Variants in DPYSL3 observed in about 807,000 individuals in gnomAD.
The protein encoded by DPYSL3 is dihydropyrimidinase-related protein 3.
A neutral mutation model predicts 66.1 loss-of-function variants in DPYSL3; 16 were observed. That is an observed-to-expected ratio of 0.24 (90% CI 0.16 to 0.37). The LOEUF (loss-of-function observed/expected upper bound fraction) is 0.37. Ranked by LOEUF, DPYSL3 falls within the 10% of genes least tolerant of loss-of-function variation. DPYSL3 has a pLI of 1.00. For synonymous variants in DPYSL3, 338 were observed against 345.1 expected (o/e 0.98, Z 0.23); for missense variants, 738 against 916.2 (o/e 0.81, Z 2.51).
At chr5:147,429,833 C>A (rs184366914) in intron 1 of DPYSL3, among the ~76,000 whole-genome samples, 1 of 152,130 alleles carries the variant, frequency 6.6e-6, no homozygotes, top group South Asian at 2.1e-4. Context: ...GTCCAAACTG[C>A]GTCCAGTTCT....
At position 147,509,387 on chromosome 5, in the gene DPYSL3, G is replaced by C; in HGVS notation, c.381+91C>G. On this transcript the variant is annotated intron_variant, in intron 1 of 13. Coordinates refer to ENST00000343218, the MANE Select transcript of DPYSL3 (RefSeq NM_001197294.2). The surrounding 1 kb of genome is among the most constrained non-coding windows in gnomAD (Gnocchi z 5.3). The stretch of plus-strand genomic sequence containing the variant: ...TCCTTGTCCCCCAGCCCCGTGCAAA[G>C]TGAGCTGGAGAAAGTTGTGCCCGGG... 1 of 1,416,122 alleles carries C rather than the reference G, an allele frequency of 7.1e-7. No homozygotes were observed. The highest frequency in any genetic ancestry group is 1.5e-5 in the South Asian group (1 of 67,612). The allele number at this position is 1,416,122 out of a possible 1,614,324, so 87.7% of individuals were successfully genotyped here.
At chr5:147,433,191 G>T (rs1752345815) in intron 1 of DPYSL3, among the ~76,000 whole-genome samples, 2 of 152,144 alleles carry the variant, frequency 1.3e-5, no homozygotes, top group African/African-American at 4.8e-5. Flanking sequence ...TGTCCACATG[G>T]GCCTGTGAGA....
intron 1 of DPYSL3, among the ~76,000 whole-genome samples, chr5:147,505,527 C>A (rs1030290817): frequency 6.6e-6 from 1 of 152,200 alleles, no homozygotes; most frequent in Non-Finnish European, 1.5e-5. Context: ...TGAGCCACCA[C>A]TCCCAGCCTA....
intron 1 of DPYSL3, among the ~76,000 whole-genome samples, chr5:147,441,611 T>C (rs1752534332): frequency 6.6e-6 from 1 of 152,110 alleles, no homozygotes; most frequent in South Asian, 2.1e-4. Flanking sequence ...CACTATAACT[T>C]CTCATAACAA....
chr5:147,395,746 C>T (rs1561769398), intron 12 of DPYSL3, 25 bp from the exon 13 acceptor site: 1 of 1,612,048 alleles, frequency 6.2e-7, no homozygotes, highest in Non-Finnish European at 8.5e-7. Context: ...GAGCATGTCA[C>T]CATTCATTCA....
chr5:147,458,119 G>C (rs529835135), intron 1 of DPYSL3, among the ~76,000 whole-genome samples: 1 of 152,180 alleles, frequency 6.6e-6, no homozygotes, highest in African/African-American at 2.4e-5. Context: ...TAGGAGCTGT[G>C]TAAAATGAGG....
Position 147,401,606 on chromosome 5 carries a change from A to G in DPYSL3, c.1244T>C (p.Phe415Ser). Reference protein sequence around the residue: ...WSKNWAKAAAFVTSPPLSPDP... With the variant: ...WSKNWAKAAASVTSPPLSPDP... ...AGGGCTCAGGGGTGGGGATGTCACA[A>G]ATGCAGCCGCCTTGGCCCAGTTCTT... Residue 415 changes from phenylalanine to serine, a missense_variant, in exon 9 of 14, where the codon TTT becomes TCT. By Grantham distance (155) the Phe-to-Ser change is radical. Coordinates refer to ENST00000343218, the MANE Select transcript of DPYSL3 (RefSeq NM_001197294.2). 6.2e-7 allele frequency: 1 copy of G among 1,614,022 alleles called. No homozygotes were observed. Among genetic ancestry groups the G allele is most frequent in the Non-Finnish European group, 8.5e-7 (1 of 1,180,014 alleles).
intron 1 of DPYSL3, among the ~76,000 whole-genome samples, chr5:147,497,268 A>T (rs1275740465): frequency 7.0e-6 from 1 of 141,916 alleles, no homozygotes; most frequent in Non-Finnish European, 1.5e-5. Flanking sequence ...GGGGAGGGGG[A>T]AGGGGTAGCA....
At chr5:147,459,097 G>A (rs943573362) in intron 1 of DPYSL3, among the ~76,000 whole-genome samples, 3 of 151,838 alleles carry the variant, frequency 2.0e-5, no homozygotes, top group African/African-American at 7.3e-5. Context: ...ATGGGAAAAG[G>A]GGGAGATTGA....
intron 12 of DPYSL3, among the ~76,000 whole-genome samples, chr5:147,397,174 CTATATA>C (rs9325042): frequency 0.45 from 67,102 of 147,854 alleles, 15,840 homozygotes; most frequent in African/African-American, 0.57. Flanking sequence ...ATCTATAGAC[CTATATA>C]TATATATATA....
Position 147,408,733 on chromosome 5 carries a change from C to G in DPYSL3, c.1027G>C (p.Glu343Gln), listed in dbSNP as rs913119486. 5 of 1,614,100 alleles carry G rather than the reference C, an allele frequency of 3.1e-6. No individual in the cohort carries two copies. Among genetic ancestry groups the G allele is most frequent in the Non-Finnish European group, 4.2e-6 (5 of 1,180,036 alleles). Residue 343 changes from glutamate to glutamine, a missense_variant, in exon 7 of 14, where the codon GAA becomes CAA. Coordinates refer to ENST00000343218, the MANE Select transcript of DPYSL3 (RefSeq NM_001197294.2). ...GPEGHVLSRP[E>Q]ELEAEAVFRA... is the part of the protein sequence containing the mutation. ...CTTCATCCCCTGTAACTTACCTCTT[C>G]TGGCCTGCTCAGTACATGGCCTTCT... is the stretch of plus-strand genomic sequence containing the variant.
chr5:147,467,727 C>A (rs1753031035), intron 1 of DPYSL3, among the ~76,000 whole-genome samples: 1 of 152,162 alleles, frequency 6.6e-6, no homozygotes, highest in Admixed American at 6.6e-5. Context: ...TAGATTATAC[C>A]TTTCATGGGG....
chr5:147,478,692 T>C (rs191481357), intron 1 of DPYSL3, among the ~76,000 whole-genome samples: 157 of 152,346 alleles, frequency 1.0e-3, no homozygotes, highest in Middle Eastern at 0.01. Flanking sequence ...TCCACTACCA[T>C]ATCATACACA....
Position 147,399,072 on chromosome 5 carries a change from C to A in DPYSL3, c.1623+10G>T. On this transcript the variant is annotated intron_variant, in intron 11 of 13. Transcript: ENST00000343218. ...CCATTCTACTCCACTCCCACCAGAGCGGGCCTTACAGACTGGTGGTTCTTG... is the reference window on the plus strand; with the variant it reads ...CCATTCTACTCCACTCCCACCAGAGAGGGCCTTACAGACTGGTGGTTCTTG... 1 of 1,613,234 alleles carries A rather than the reference C, an allele frequency of 6.2e-7. No homozygotes were observed. Among genetic ancestry groups the A allele is most frequent in the Non-Finnish European group, 8.5e-7 (1 of 1,179,656 alleles).
rs1310892550 is a variant in DPYSL3 at position 147,509,293 on chromosome 5, G to C, written c.381+185C>G. On this transcript the variant is annotated intron_variant, in intron 1 of 13. Transcript: ENST00000343218. This position sits in a 1 kb window ranked among gnomAD's most constrained non-coding sequence, Gnocchi z 5.3. ...CTTGCACGAAGATGCTGCAAGTGGCGACACGCGCGAATCCAGGGTCTGGGC... is the reference window on the plus strand; with the variant it reads ...CTTGCACGAAGATGCTGCAAGTGGCCACACGCGCGAATCCAGGGTCTGGGC... Among the ~76,000 whole-genome samples, 1 of 152,214 alleles carries C rather than the reference G, an allele frequency of 6.6e-6. No homozygotes were observed. Among genetic ancestry groups the C allele is most frequent in the Non-Finnish European group, 1.5e-5 (1 of 68,044 alleles).
intron 1 of DPYSL3, among the ~76,000 whole-genome samples, chr5:147,495,349 G>A (rs1753483900): frequency 6.6e-6 from 1 of 152,160 alleles, no homozygotes; most frequent in Non-Finnish European, 1.5e-5. Flanking sequence ...AGACAGGGAT[G>A]CCCTCTCTCA....
At chr5:147,399,303 A>C (rs775187296) in intron 10 of DPYSL3, 51 bp from the exon 11 acceptor site, 1 of 1,562,140 alleles carries the variant, frequency 6.4e-7, no homozygotes. Context: ...ATATATATCA[A>C]TTCAGGGCTT....
At chr5:147,474,827 C>T (rs1248733120) in intron 1 of DPYSL3, among the ~76,000 whole-genome samples, 4 of 151,902 alleles carry the variant, frequency 2.6e-5, no homozygotes, top group Non-Finnish European at 5.9e-5. Context: ...GTATACAATT[C>T]CGTGGTTTTT....
At chr5:147,441,958 C>T (rs146442111) in intron 1 of DPYSL3, among the ~76,000 whole-genome samples, 26 of 152,300 alleles carry the variant, frequency 1.7e-4, no homozygotes, top group African/African-American at 5.8e-4. Flanking sequence ...CCTTAAAACC[C>T]TCTAAGTTTT....
Sources: gnomAD v4.1 joint callset for allele counts (sites outside exome capture counted in the v4.1 genomes callset) on GRCh38, gnomAD v4.1.1 for gene constraint, Gnocchi (gnomAD v3.1) non-coding constraint, MANE v1.5 for transcripts, NCBI Gene and HGNC (gene_info 2026-07-23, HGNC 2026-07-21) for gene names.